Variants in RNASEH2B observed in about 807,000 individuals in gnomAD.
The protein encoded by RNASEH2B is Aicardi-Goutieres syndrome 2 protein.
In RNASEH2B, 36 loss-of-function variants were observed where a neutral mutation model predicts 45.0. The observed-to-expected ratio is 0.80, with a 90% confidence interval of 0.61 to 1.06. The LOEUF is 1.06. Ranked by LOEUF, RNASEH2B falls within the 50% of genes least tolerant of loss-of-function variation. The pLI is 0.00. For missense variants in RNASEH2B, 361 were observed against 360.3 expected (o/e 1.00, Z -0.02); for synonymous variants, 119 against 125.7 (o/e 0.95, Z 0.35).
chr13:50,945,871 C>T (rs1018159819), intron 7 of RNASEH2B, among the ~76,000 whole-genome samples: 7 of 152,294 alleles, frequency 4.6e-5, no homozygotes, highest in Admixed American at 2.0e-4. Flanking sequence ...ATCCAACCCT[C>T]CCAGTAAATT....
chr13:50,958,866 T>C (rs545383221), downstream of RNASEH2B, among the ~76,000 whole-genome samples: 24 of 152,230 alleles, frequency 1.6e-4, no homozygotes, highest in African/African-American at 5.8e-4. Flanking sequence ...TTATAATGGA[T>C]TTTTGGATGT....
At chr13:50,938,159 C>T (rs1951782943) in intron 5 of RNASEH2B, 1 of 152,148 alleles carries the variant, frequency 6.6e-6, no homozygotes. Context: ...GGAATAAAAA[C>T]ATACCATTTA....
Position 50,969,284 on chromosome 13 carries a change from A to G in RNASEH2B, c.742-648A>G, listed in dbSNP as rs188736471. Among the ~76,000 whole-genome samples the G allele has an allele frequency of 3.2e-3, 482 of 152,320 alleles. 1 individual carries two copies. The highest frequency in any genetic ancestry group is 4.9e-3 in the Non-Finnish European group (335 of 68,024). ...GCTTCCTTCTCATCCACATTCTGGCATAGAAGTTTGATTTCCATGTACATG... is the reference window on the plus strand; with the variant it reads ...GCTTCCTTCTCATCCACATTCTGGCGTAGAAGTTTGATTTCCATGTACATG... On this transcript the variant is annotated intron_variant, in intron 9 of 9. Transcript: ENST00000422660.
At chr13:50,965,093 A>G (rs1952151894) in intron 9 of RNASEH2B, among the ~76,000 whole-genome samples, 1 of 152,216 alleles carries the variant, frequency 6.6e-6, no homozygotes, top group African/African-American at 2.4e-5. Context: ...GTCCCATGAG[A>G]CTATAACACA....
downstream of RNASEH2B, among the ~76,000 whole-genome samples, chr13:50,961,648 A>G (rs901302064): frequency 1.3e-5 from 2 of 152,062 alleles, no homozygotes; most frequent in Non-Finnish European, 2.9e-5. Flanking sequence ...GTATTTAGAA[A>G]CCAAGATCTA....
exon 10 of RNASEH2B, chr13:50,970,173 G>C: frequency 3.2e-6 from 2 of 630,504 alleles, no homozygotes; most frequent in Non-Finnish European, 5.6e-6. Flanking sequence ...ACTCAGCTAG[G>C]CGGTTCCGTC....
At position 50,963,233 on chromosome 13, in the gene RNASEH2B, C is replaced by T. The variant is rs1332272514; in HGVS notation, c.742-6699C>T. On this transcript the variant is annotated intron_variant, in intron 9 of 9. Coordinates refer to the RNASEH2B transcript ENST00000422660. ...AGGCTGGAGTGCAATGGCACAATCT[C>T]AGCTCGCTGCAACTTCCGCCTCCCG... is the stretch of plus-strand genomic sequence containing the variant. Among the ~76,000 whole-genome samples the T allele has an allele frequency of 1.2e-4, 18 of 152,222 alleles. 1 individual carries two copies. In the East Asian group the frequency reaches 3.3e-3, roughly 28 times the overall value.
In RNASEH2B at chr13:50,968,279, A is replaced by T. The variant is rs758416885; in HGVS notation, c.742-1653A>T. Among the ~76,000 whole-genome samples, 27 of 152,272 alleles carry T rather than the reference A, an allele frequency of 1.8e-4. 1 individual carries two copies. In the East Asian group the frequency reaches 1.9e-3, roughly 11 times the overall value. On this transcript the variant is annotated intron_variant, in intron 9 of 9. Coordinates refer to the RNASEH2B transcript ENST00000422660. The stretch of plus-strand genomic sequence containing the variant: ...GCCAGGTGTGGTGGCACACACCTGT[A>T]ATTCTAGCTACTTGGGAGGCTGAGG...
chr13:50,927,198 C>T (rs1951608858), intron 1 of RNASEH2B: 1 of 471,878 alleles, frequency 2.1e-6, no homozygotes, highest in Admixed American at 3.2e-5. Context: ...CATCATTCCT[C>T]ATAGCAATAC....
chr13:50,925,501 A>G (rs549140074), intron 1 of RNASEH2B, among the ~76,000 whole-genome samples: 1 of 152,268 alleles, frequency 6.6e-6, no homozygotes, highest in East Asian at 1.9e-4. Context: ...AAAGAATTGG[A>G]TACTTTTAGG....
rs1952054521 is a variant in RNASEH2B at position 50,956,579 on chromosome 13, A to G, written c.*105A>G. The G allele has an allele frequency of 6.6e-7, 1 of 1,517,998 alleles. No homozygotes were observed. Among genetic ancestry groups the G allele is most frequent in the Non-Finnish European group, 8.8e-7 (1 of 1,131,054 alleles). 94.0% of individuals were successfully genotyped at this position (1,517,998 alleles called of 1,614,324 possible). A position where few individuals can be genotyped will look rare whatever the true frequency, so the allele number is the denominator to read the frequency against. ...TTTGGTTGGGGGAAGGAAGAGGCCA[A>G]TTTCATGTTCTCTTAAACATTTCTT... On this transcript the variant is annotated 3_prime_UTR_variant, in exon 11 of 11. Coordinates refer to ENST00000336617, the MANE Select transcript of RNASEH2B (RefSeq NM_024570.4).
intron 7 of RNASEH2B, among the ~76,000 whole-genome samples, chr13:50,945,778 A>G (rs1951893670): frequency 6.6e-6 from 1 of 152,230 alleles, no homozygotes; most frequent in Admixed American, 6.5e-5. Flanking sequence ...CATTGATAGT[A>G]GTAACAACCC....
At chr13:50,910,390 G>A (rs1879294190) in intron 1 of RNASEH2B, 1 of 362,580 alleles carries the variant, frequency 2.8e-6, no homozygotes, top group South Asian at 8.3e-5. Flanking sequence ...GGGTGGGAGG[G>A]TGGAAGCCGA....
chr13:50,927,557 T>C, intron 2 of RNASEH2B, 79 bp downstream of exon 2: 1 of 920,734 alleles, frequency 1.1e-6, no homozygotes, highest in Non-Finnish European at 1.8e-6. Context: ...CTTTGTGTCC[T>C]TGCTCTTTCT....
intron 4 of RNASEH2B, 141 bp from the exon 5 acceptor site, chr13:50,934,744 T>G: frequency 4.3e-6 from 3 of 692,652 alleles, no homozygotes; most frequent in South Asian, 3.1e-5. Flanking sequence ...GCCTGTCCCA[T>G]TGTAGGGATT....
intron 9 of RNASEH2B, among the ~76,000 whole-genome samples, chr13:50,968,465 G>A (rs1483658110): frequency 2.0e-5 from 3 of 152,030 alleles, no homozygotes; most frequent in Admixed American, 6.6e-5. Context: ...AGAAAGAGGT[G>A]GTATCCTTAT....
exon 10 of RNASEH2B, chr13:50,970,134 A>T (rs1445104195): frequency 2.9e-6 from 2 of 700,632 alleles, no homozygotes; most frequent in African/African-American, 3.6e-5. Context: ...CCACTAGTCT[A>T]TGTGGGCAGC....
At chr13:50,952,204 T>TA (rs1220732680) in intron 9 of RNASEH2B, 9 of 152,228 alleles carry the variant, frequency 5.9e-5, no homozygotes, top group African/African-American at 1.9e-4. Flanking sequence ...TAAGTGTTTA[T>TA]AATGACATCT....
In RNASEH2B at chr13:50,945,463, G is replaced by T. The variant is rs77377571; in HGVS notation, c.547G>T (p.Val183Leu). 6.2e-7 allele frequency: 1 copy of T among 1,613,704 alleles called. No homozygotes were observed. Among genetic ancestry groups the T allele is most frequent in the Non-Finnish European group, 8.5e-7 (1 of 1,179,658 alleles). Residue 183 changes from valine to leucine, a missense_variant, in exon 7 of 11, where the codon GTG becomes TTG. Coordinates refer to ENST00000336617, the MANE Select transcript of RNASEH2B (RefSeq NM_024570.4). ...TGTGGCAGCATTAAAAACCAATAAT[G>T]TGAATGTCAGTTCCCGGGTACAGTC... ...QTVAALKTNN[V>L]NVSSRVQSTA... is the part of the protein sequence containing the mutation.
Sources: gnomAD v4.1 joint callset for allele counts (sites outside exome capture counted in the v4.1 genomes callset) on GRCh38, gnomAD v4.1.1 for gene constraint, MANE v1.5 for transcripts, NCBI Gene and HGNC (gene_info 2026-07-23, HGNC 2026-07-21) for gene names.